The following CRYBG1 variants were observed in gnomAD, a reference collection of about 807,000 sequenced individuals.
CRYBG1 encodes the protein crystallin beta-gamma domain containing 1.
A neutral mutation model predicts 189.2 loss-of-function variants in CRYBG1; 139 were observed. The ratio of observed to expected loss-of-function variants is 0.73; its 90% CI spans 0.64 to 0.85. The LOEUF (loss-of-function observed/expected upper bound fraction) is 0.85, where lower values mean the gene tolerates loss of function less well. Among genes scored for constraint, CRYBG1 ranks in the 40% least tolerant of loss-of-function variants. The pLI is 0.00. For missense variants in CRYBG1, 2,611 were observed against 2,675.8 expected, an observed-to-expected ratio of 0.98 and a Z score of 0.53; for synonymous variants, 1,023 against 1,017.1, an observed-to-expected ratio of 1.01 and a Z score of -0.11.
intron 13 of CRYBG1, among the ~76,000 whole-genome samples, chr6:106,545,655 T>C (rs1168198800): frequency 6.6e-6 from 1 of 151,716 alleles, no homozygotes; most frequent in Non-Finnish European, 1.5e-5. Flanking sequence ...TTTGGTGGCC[T>C]GTGGCCACAT....
chr6:106,520,833 G>T lies in CRYBG1; in HGVS notation c.3625G>T (p.Gly1209Trp), dbSNP rs1200380305. The T allele has an allele frequency of 6.2e-7, 1 of 1,614,106 alleles. No homozygotes were observed. The highest frequency in any genetic ancestry group is 1.1e-5 in the South Asian group (1 of 91,074). ...CAAGTCCCTGCACACCAACACTAAT[G>T]GGAACAGTGAGCCTCTGGTGATGCC... ...LFKSLHTNTN[G>W]NSEPLVMPEI... The change falls in exon 4 of 22, where the codon GGG becomes TGG. Residue 1209 changes from glycine (G) to tryptophan (W), a missense_variant. Transcript: ENST00000633556.
intron 1 of CRYBG1, among the ~76,000 whole-genome samples, chr6:106,447,428 C>T (rs1333517538): frequency 6.6e-6 from 1 of 151,860 alleles, no homozygotes; most frequent in Non-Finnish European, 1.5e-5. Context: ...TTAAAAATAA[C>T]TAAAAGAATA....
intron 20 of CRYBG1, 128 bp from the exon 21 acceptor site, chr6:106,563,636 G>A (rs1370527773): frequency 1.1e-6 from 1 of 878,866 alleles, no homozygotes; most frequent in East Asian, 2.6e-5. Flanking sequence ...GAGCTGAACT[G>A]CCTCATGTGG....
chr6:106,527,522 C>T, intron 7 of CRYBG1, 52 bp downstream of exon 7: 1 of 1,542,994 alleles, frequency 6.5e-7, no homozygotes, highest in South Asian at 1.2e-5. Flanking sequence ...TTTATGGATT[C>T]TTACTTTAAG....
chr6:106,540,309 T>A (rs1774101976), intron 9 of CRYBG1, among the ~76,000 whole-genome samples: 1 of 152,204 alleles, frequency 6.6e-6, no homozygotes, highest in Non-Finnish European at 1.5e-5. Context: ...AGGCTCCCAT[T>A]ACAAACATGT....
intron 2 of CRYBG1, among the ~76,000 whole-genome samples, chr6:106,491,817 T>C (rs768142709): frequency 2.0e-5 from 3 of 152,140 alleles, no homozygotes; most frequent in Non-Finnish European, 2.9e-5. Context: ...CTTAAAAGTT[T>C]TCATATTTCC....
At position 106,544,558 on chromosome 6, in the gene CRYBG1, C is replaced by A; in HGVS notation, c.5040-13C>A. 1 of 1,611,630 alleles carries A rather than the reference C, an allele frequency of 6.2e-7. No individual in the cohort carries two copies. The highest frequency in any genetic ancestry group is 1.1e-5 in the South Asian group (1 of 90,820). ...TCTGGAAATGACTACTCCTCGTGTT[C>A]TTTATGTTGCAGTTGGGTTGCATAT... On this transcript the variant is annotated splice_polypyrimidine_tract_variant and intron_variant, in intron 11 of 21. Coordinates refer to ENST00000633556, the MANE Select transcript of CRYBG1 (RefSeq NM_001371242.2).
intron 3 of CRYBG1, among the ~76,000 whole-genome samples, chr6:106,518,435 G>A (rs975587231): frequency 6.6e-6 from 1 of 152,226 alleles, no homozygotes; most frequent in Non-Finnish European, 1.5e-5. Flanking sequence ...GTTGGAGCAT[G>A]AGAATGCATT....
At chr6:106,375,524 T>A (rs1436717450) in intron 1 of CRYBG1, among the ~76,000 whole-genome samples, 1 of 151,998 alleles carries the variant, frequency 6.6e-6, no homozygotes, top group African/African-American at 2.4e-5. Flanking sequence ...AATAGAGAAA[T>A]ATGCCCCATT....
chr6:106,536,354 G>A (rs1205619670), intron 8 of CRYBG1, among the ~76,000 whole-genome samples: 4 of 152,172 alleles, frequency 2.6e-5, no homozygotes, highest in African/African-American at 9.7e-5. Context: ...GGTTAAAGTG[G>A]TGCCTCCTCC....
At chr6:106,510,810 G>T (rs999477714) in intron 2 of CRYBG1, among the ~76,000 whole-genome samples, 1 of 152,350 alleles carries the variant, frequency 6.6e-6, no homozygotes, top group South Asian at 2.1e-4. Flanking sequence ...TTGAACGCTC[G>T]CGCGCTCCTC....
chr6:106,481,136 G>C (rs1338114082), intron 2 of CRYBG1, among the ~76,000 whole-genome samples: 2 of 105,890 alleles, frequency 1.9e-5, no homozygotes, highest in East Asian at 6.3e-4. Flanking sequence ...ACCACGCCCG[G>C]CTAATTTTTT....
chr6:106,461,896 C>T (rs1255648244), intron 2 of CRYBG1, among the ~76,000 whole-genome samples: 2 of 152,186 alleles, frequency 1.3e-5, no homozygotes, highest in East Asian at 1.9e-4. Context: ...CTCCTGGAAT[C>T]GACATGAAAA....
intron 2 of CRYBG1, among the ~76,000 whole-genome samples, chr6:106,491,620 G>A (rs1009342776): frequency 1.3e-5 from 2 of 152,018 alleles, no homozygotes; most frequent in African/African-American, 4.8e-5. Flanking sequence ...CTCTCTCAGT[G>A]TCTGCTTTCC....
chr6:106,431,316 G>C (rs1199125327), intron 1 of CRYBG1, among the ~76,000 whole-genome samples: 2 of 152,096 alleles, frequency 1.3e-5, no homozygotes. Flanking sequence ...TTCTTAGCTG[G>C]ACACTTTAAT....
chr6:106,428,080 C>T (rs1304440987), intron 1 of CRYBG1, among the ~76,000 whole-genome samples: 1 of 152,196 alleles, frequency 6.6e-6, no homozygotes, highest in African/African-American at 2.4e-5. Context: ...TCGCCTGAAG[C>T]CACTTCATTT....
intron 13 of CRYBG1, among the ~76,000 whole-genome samples, chr6:106,550,112 C>T (rs1774362017): frequency 6.6e-6 from 1 of 152,180 alleles, no homozygotes; most frequent in African/African-American, 2.4e-5. Context: ...ATGCTGCTTA[C>T]CCATCTGTGG....
chr6:106,457,584 C>A (rs1771915140), intron 2 of CRYBG1, among the ~76,000 whole-genome samples: 1 of 152,132 alleles, frequency 6.6e-6, no homozygotes, highest in South Asian at 2.1e-4. Context: ...ATCTGGACAC[C>A]CCAGCACTTC....
intron 2 of CRYBG1, among the ~76,000 whole-genome samples, chr6:106,507,494 A>C (rs1171852677): frequency 2.6e-5 from 4 of 152,216 alleles, no homozygotes; most frequent in Non-Finnish European, 4.4e-5. Context: ...GAGGAATCTG[A>C]GGAAGCATGA....
Sources: allele counts gnomAD v4.1 joint callset (sites outside exome capture counted in the v4.1 genomes callset), GRCh38; gene constraint gnomAD v4.1.1; transcripts MANE v1.5; gene names NCBI Gene and HGNC (gene_info 2026-07-23, HGNC 2026-07-21).